Variants in ZNF730 observed in about 807,000 individuals in gnomAD.
ZNF730 encodes the protein putative zinc finger protein 730.
ZNF730 carries 12 observed loss-of-function variants against 12.6 expected under a neutral mutation model. The ratio of observed to expected loss-of-function variants is 0.95; its 90% CI spans 0.61 to 1.54. The LOEUF (loss-of-function observed/expected upper bound fraction) is 1.54, where lower values mean the gene tolerates loss of function less well. Ranked by LOEUF, ZNF730 falls within the 40% of genes most tolerant of loss-of-function variation. The pLI, the probability that ZNF730 is intolerant of heterozygous loss-of-function variation, is 0.00. For synonymous variants in ZNF730, 194 were observed against 195.8 expected (o/e 0.99, Z 0.08); for missense variants, 643 against 583.5 (o/e 1.10, Z -1.05).
chr19:23,091,301 G>A (rs2145487472), intron 1 of ZNF730, among the ~76,000 whole-genome samples: 1 of 152,334 alleles, frequency 6.6e-6, no homozygotes. Context: ...TTGCTGCAGG[G>A]GTGGAGCCCT....
At chr19:23,127,676 A>G in intron 1 of ZNF730, 1 of 1,232,602 alleles carries the variant, frequency 8.1e-7, no homozygotes, top group Non-Finnish European at 1.2e-6. Flanking sequence ...CCGCTCACTA[A>G]GAGCATCAGA....
chr19:23,107,455 A>AAAAAAAC (rs1381691066), intron 1 of ZNF730, among the ~76,000 whole-genome samples: 3 of 143,288 alleles, frequency 2.1e-5, no homozygotes, highest in Non-Finnish European at 4.5e-5. Context: ...ATACCAAAAA[A>AAAAAAAC]AAAAAAAAAA....
At chr19:23,134,056 T>C (rs749694020) in intron 1 of ZNF730, 24 bp from the exon 2 acceptor site, 49 of 1,611,198 alleles carry the variant, frequency 3.0e-5, no homozygotes, top group African/African-American at 6.7e-5. Context: ...TTGGTAAATA[T>C]GTGTGTTTGT....
chr19:23,128,151 T>C, intron 1 of ZNF730: 1 of 899,790 alleles, frequency 1.1e-6, no homozygotes. Context: ...AAGTTTTTGG[T>C]TCCCTGAAGA....
intron 1 of ZNF730, among the ~76,000 whole-genome samples, chr19:23,097,881 G>A (rs1450920709): frequency 1.3e-5 from 2 of 152,192 alleles, no homozygotes; most frequent in Admixed American, 6.5e-5. Flanking sequence ...GCTCATGCCT[G>A]TAATTTCAGC....
intron 1 of ZNF730, among the ~76,000 whole-genome samples, chr19:23,119,878 A>G (rs1433166529): frequency 7.2e-5 from 11 of 151,876 alleles, no homozygotes; most frequent in South Asian, 2.1e-4. Flanking sequence ...GTTGGGGAGG[A>G]GTCCCTTCTT....
intron 1 of ZNF730, among the ~76,000 whole-genome samples, chr19:23,084,067 T>A (rs993507656): frequency 6.6e-6 from 1 of 152,180 alleles, no homozygotes; most frequent in Non-Finnish European, 1.5e-5. Context: ...TACATTTGAG[T>A]CTTTAATTCA....
intron 1 of ZNF730, among the ~76,000 whole-genome samples, chr19:23,132,972 G>A (rs1970764226): frequency 6.6e-6 from 1 of 152,354 alleles, no homozygotes; most frequent in Non-Finnish European, 1.5e-5. Flanking sequence ...TATTACAACA[G>A]TGATGCTGTG....
At chr19:23,137,097 G>A (rs1970844433) in intron 3 of ZNF730, among the ~76,000 whole-genome samples, 1 of 96,586 alleles carries the variant, frequency 1.0e-5, no homozygotes, top group South Asian at 4.6e-4. Context: ...TTGAATCTGG[G>A]AAATGGAGGT....
Position 23,146,535 on chromosome 19 carries a change from G to A in ZNF730, c.1491G>A (p.Arg497=), listed in dbSNP as rs768206556. 7 of 1,580,616 alleles carry A rather than the reference G, an allele frequency of 4.4e-6. No individual in the cohort carries two copies. In the East Asian group the frequency reaches 1.4e-4, roughly 31 times the overall value. Reference sequence around the variant, plus strand: ...TTAGGCGGTTCTCACACCTTACTAGGCATAAGACAATTCATACATAAAATT... The same window carrying A: ...TTAGGCGGTTCTCACACCTTACTAGACATAAGACAATTCATACATAAAATT... ...KAFRRFSHLT[R]HKTIHT The change falls in exon 4 of 4, where the codon AGG becomes AGA. Residue 497 remains arginine (R), a synonymous_variant. Transcript: ENST00000597761.
rs57120684 is a variant in ZNF730, at chr19:23,107,449, C to CAAAAAAAAAAAA, written c.-93-26616_-93-26605dup. On this transcript the variant is annotated intron_variant, in intron 1 of 2. Coordinates refer to the ZNF730 transcript ENST00000593635. ...TGTCTCTACTTTAAAAAAAAAATAC[C>CAAAAAAAAAAAA]AAAAAAAAAAAAAAAAAAAAAAAAA... is the stretch of plus-strand genomic sequence containing the variant. Among the ~76,000 whole-genome samples the CAAAAAAAAAAAA allele has an allele frequency of 9.1e-4, 43 of 47,320 alleles. 2 individuals carry two copies. Among genetic ancestry groups the CAAAAAAAAAAAA allele is most frequent in the African/African-American group, 2.5e-3 (29 of 11,794 alleles). The allele number at this position is 47,320 out of a possible 152,430, so 31.0% of individuals were successfully genotyped here. A position where few individuals can be genotyped will look rare whatever the true frequency, so the allele number is the denominator to read the frequency against.
chr19:23,120,555 C>G (rs1195810734), intron 1 of ZNF730, among the ~76,000 whole-genome samples: 1 of 150,296 alleles, frequency 6.7e-6, no homozygotes, highest in African/African-American at 2.4e-5. Context: ...TTATTTGGTT[C>G]TTCTTTTTTC....
At chr19:23,106,084 T>G (rs1970389436) in intron 1 of ZNF730, among the ~76,000 whole-genome samples, 1 of 151,392 alleles carries the variant, frequency 6.6e-6, no homozygotes, top group South Asian at 2.1e-4. Context: ...GTTGTTTGAG[T>G]CAGGGATTTT....
At chr19:23,119,794 C>A (rs749979903) in intron 1 of ZNF730, among the ~76,000 whole-genome samples, 1 of 151,488 alleles carries the variant, frequency 6.6e-6, no homozygotes, top group South Asian at 2.1e-4. Flanking sequence ...TCCAGCCTGG[C>A]GACAGAATGA....
intron 3 of ZNF730, among the ~76,000 whole-genome samples, chr19:23,140,624 A>AAC (rs1970902805): frequency 6.8e-6 from 1 of 147,642 alleles, no homozygotes; most frequent in Non-Finnish European, 1.5e-5. Context: ...AAAAAAAAAA[A>AAC]GATGTAAAAA....
At chr19:23,126,629 A>G (rs944382012) in intron 1 of ZNF730, 4 of 499,026 alleles carry the variant, frequency 8.0e-6, no homozygotes, top group African/African-American at 4.0e-5. Context: ...TACCCTTTGC[A>G]TGCTTCAGTT....
At chr19:23,143,251 GA>G (rs921156446) in intron 3 of ZNF730, among the ~76,000 whole-genome samples, 20 of 136,858 alleles carry the variant, frequency 1.5e-4, no homozygotes, top group South Asian at 4.6e-4. Context: ...TCTCAAAAAA[GA>G]AAAAAAAAAA....
chr19:23,137,228 A>G (rs1023241627), intron 3 of ZNF730, among the ~76,000 whole-genome samples: 2 of 152,224 alleles, frequency 1.3e-5, no homozygotes, highest in African/African-American at 4.8e-5. Context: ...ATTAATAGAC[A>G]TAAAATATTT....
chr19:23,091,500 A>T (rs1488707764), intron 1 of ZNF730, among the ~76,000 whole-genome samples: 2 of 152,238 alleles, frequency 1.3e-5, no homozygotes, highest in Non-Finnish European at 2.9e-5. Flanking sequence ...AATGCCAGCC[A>T]GTGAAAGCAA....
Sources: gnomAD v4.1 joint callset for allele counts (sites outside exome capture counted in the v4.1 genomes callset) on GRCh38, gnomAD v4.1.1 for gene constraint, MANE v1.5 for transcripts, NCBI Gene and HGNC (gene_info 2026-07-23, HGNC 2026-07-21) for gene names.